KATNIP: variants seen among roughly 807,000 people sequenced by gnomAD.
KATNIP encodes katanin-interacting protein.
Under a neutral mutation model 174.0 loss-of-function variants are expected in KATNIP, and 126 were observed. The ratio of observed to expected loss-of-function variants is 0.72; its 90% CI spans 0.63 to 0.84. KATNIP has a LOEUF of 0.84. KATNIP is among the 40% of genes least tolerant of loss of function. KATNIP has a pLI of 0.00. For synonymous variants in KATNIP, 810 were observed against 835.7 expected (o/e 0.97, Z 0.53); for missense variants, 1,958 against 2,109.7 (o/e 0.93, Z 1.41).
chr16:27,638,874 T>C (rs1160721622), intron 5 of KATNIP, among the ~76,000 whole-genome samples: 1 of 146,636 alleles, frequency 6.8e-6, no homozygotes, highest in African/African-American at 2.5e-5. Flanking sequence ...GTTCTTGCTA[T>C]GTAGCCCACA....
At chr16:27,627,626 C>G (rs188037949) in intron 3 of KATNIP, among the ~76,000 whole-genome samples, 1 of 152,230 alleles carries the variant, frequency 6.6e-6, no homozygotes, top group Non-Finnish European at 1.5e-5. Context: ...ACCGCTCGTA[C>G]TGCGAATAAT....
intron 2 of KATNIP, among the ~76,000 whole-genome samples, chr16:27,596,033 G>C (rs1174251125): frequency 3.3e-5 from 5 of 151,344 alleles, no homozygotes; most frequent in African/African-American, 1.2e-4. Context: ...GTCATTTGTA[G>C]GGTCTGGGCT....
At position 27,611,669 on chromosome 16, in the gene KATNIP, G is replaced by T. The variant is rs1003806579; in HGVS notation, c.64-6756G>T. Among the ~76,000 whole-genome samples the T allele has an allele frequency of 1.6e-4, 24 of 152,098 alleles. 3 individuals carry two copies. The highest frequency in any genetic ancestry group is 1.2e-3 in the Admixed American group (18 of 15,280). The stretch of plus-strand genomic sequence containing the variant: ...CAAATTACTTCCACTTTAATCCTAG[G>T]TTATCCATATAGCAGCCCTGTGAGG... On this transcript the variant is annotated intron_variant, in intron 2 of 27. Transcript: ENST00000261588.
Position 27,763,151 on chromosome 16 carries a change from A to G in KATNIP, c.3809+1561A>G, listed in dbSNP as rs569074647. 5.9e-5 allele frequency among the ~76,000 whole-genome samples: 9 copies of G among 151,770 alleles called. No individual in the cohort carries two copies. The South Asian group carries it at 1.9e-3, about 32-fold the overall frequency. On this transcript the variant is annotated intron_variant, in intron 19 of 27. Coordinates refer to ENST00000261588, the MANE Select transcript of KATNIP (RefSeq NM_015202.5). Reference sequence around the variant, plus strand: ...GGTAACAGTGAGAATGTGTCTCTACAAAAGAAAAAAAAAATTAGCCAGGCA... The same window carrying G: ...GGTAACAGTGAGAATGTGTCTCTACGAAAGAAAAAAAAAATTAGCCAGGCA...
At chr16:27,596,031 T>C (rs1400134785) in intron 2 of KATNIP, among the ~76,000 whole-genome samples, 2 of 150,608 alleles carry the variant, frequency 1.3e-5, no homozygotes, top group Non-Finnish European at 3.0e-5. Context: ...GTGTCATTTG[T>C]AGGGTCTGGG....
intron 2 of KATNIP, among the ~76,000 whole-genome samples, chr16:27,618,052 A>C (rs2076090620): frequency 6.6e-6 from 1 of 152,140 alleles, no homozygotes; most frequent in Admixed American, 6.6e-5. Context: ...TCCCCTTTTA[A>C]ACAACTGATT....
chr16:27,555,381 T>C (rs1177942691), intron 1 of KATNIP, among the ~76,000 whole-genome samples: 1 of 152,192 alleles, frequency 6.6e-6, no homozygotes, highest in Non-Finnish European at 1.5e-5. Context: ...TGCAGTGTAA[T>C]GTCCTTAGGT....
intron 5 of KATNIP, among the ~76,000 whole-genome samples, chr16:27,647,600 G>A (rs1300992297): frequency 6.6e-6 from 1 of 151,922 alleles, no homozygotes; most frequent in Non-Finnish European, 1.5e-5. Context: ...CTGCCTCCCG[G>A]GTTCAAGCGA....
At chr16:27,664,373 T>C (rs1044297845) in intron 6 of KATNIP, among the ~76,000 whole-genome samples, 4 of 152,250 alleles carry the variant, frequency 2.6e-5, no homozygotes, top group African/African-American at 4.8e-5. Flanking sequence ...TACAAAGTTC[T>C]CAATATATCT....
intron 1 of KATNIP, among the ~76,000 whole-genome samples, chr16:27,553,463 AT>A (rs1356420338): frequency 1.3e-5 from 2 of 152,184 alleles, no homozygotes; most frequent in Non-Finnish European, 2.9e-5. Context: ...TTTGTCTATT[AT>A]TTTATTTACT....
At chr16:27,744,971 C>G (rs1189465139) in intron 15 of KATNIP, among the ~76,000 whole-genome samples, 1 of 151,848 alleles carries the variant, frequency 6.6e-6, no homozygotes, top group African/African-American at 2.4e-5. Context: ...TAATTAAAAT[C>G]AAAGTAATAT....
chr16:27,713,822 A>ATGTGTGTGTGTG (rs1261504841), intron 13 of KATNIP, among the ~76,000 whole-genome samples: 2 of 40,772 alleles, frequency 4.9e-5, no homozygotes, highest in African/African-American at 2.7e-4. Flanking sequence ...ATATATATAT[A>ATGTGTGTGTGTG]TATATATATA....
At chr16:27,711,204 G>A (rs79948681) in intron 13 of KATNIP, among the ~76,000 whole-genome samples, 1,833 of 152,248 alleles carry the variant, frequency 0.012, 49 homozygotes, top group African/African-American at 0.042. Context: ...TGGCCACCAC[G>A]GGTGTGGTCT....
chr16:27,740,699 C>T lies in KATNIP; in HGVS notation c.2402C>T (p.Thr801Ile). The change falls in exon 15 of 28, where the codon ACC becomes ATC. Residue 801 changes from threonine to isoleucine, a missense_variant. Thr to Ile is a moderately conservative substitution (Grantham distance 89). Coordinates refer to ENST00000261588, the MANE Select transcript of KATNIP (RefSeq NM_015202.5). ...DDVIGEGPGE[T>I]EARDKGLRHE... Reference sequence around the variant, plus strand: ...GTCATCGGTGAGGGTCCTGGAGAGACCGAGGCCAGGGATAAAGGCCTACGG... The same window carrying T: ...GTCATCGGTGAGGGTCCTGGAGAGATCGAGGCCAGGGATAAAGGCCTACGG... 6.2e-7 allele frequency: 1 copy of T among 1,614,162 alleles called. No homozygotes were observed. The highest frequency in any genetic ancestry group is 2.2e-5 in the East Asian group (1 of 44,872).
chr16:27,724,640 T>C (rs2080375058), intron 14 of KATNIP, among the ~76,000 whole-genome samples: 1 of 152,154 alleles, frequency 6.6e-6, no homozygotes, highest in Non-Finnish European at 1.5e-5. Context: ...AGGGCACCGC[T>C]TATGTAACAC....
intron 3 of KATNIP, among the ~76,000 whole-genome samples, chr16:27,623,184 C>T (rs1361278103): frequency 1.3e-5 from 2 of 152,178 alleles, no homozygotes; most frequent in Non-Finnish European, 2.9e-5. Flanking sequence ...TCTGTGATGC[C>T]TGGTGCTAGA....
At chr16:27,751,514 A>G (rs1418278122) in intron 16 of KATNIP, among the ~76,000 whole-genome samples, 1 of 152,242 alleles carries the variant, frequency 6.6e-6, no homozygotes, top group African/African-American at 2.4e-5. Context: ...TCATGAAATT[A>G]GATCCCTTCC....
intron 1 of KATNIP, among the ~76,000 whole-genome samples, chr16:27,555,622 A>G (rs2089589363): frequency 6.6e-6 from 1 of 151,978 alleles, no homozygotes; most frequent in Non-Finnish European, 1.5e-5. Flanking sequence ...ATCACCTGAG[A>G]TCAGAAGTTC....
At chr16:27,652,805 C>CAA (rs55843823) in intron 6 of KATNIP, among the ~76,000 whole-genome samples, 1 of 120,804 alleles carries the variant, frequency 8.3e-6, no homozygotes, top group Non-Finnish European at 1.8e-5. Flanking sequence ...AACTCCATCT[C>CAA]AAAAAAAAAA....
Sources: gnomAD v4.1 joint callset for allele counts (sites outside exome capture counted in the v4.1 genomes callset) on GRCh38, gnomAD v4.1.1 for gene constraint, MANE v1.5 for transcripts, NCBI Gene and HGNC (gene_info 2026-07-23, HGNC 2026-07-21) for gene names.